PLXNA3: variants seen among roughly 807,000 people sequenced by gnomAD.
PLXNA3 encodes the protein plexin A3.
A neutral mutation model predicts 118.8 loss-of-function variants in PLXNA3; 52 were observed. That is an observed-to-expected ratio of 0.44 (90% CI 0.35 to 0.55). The LOEUF (loss-of-function observed/expected upper bound fraction) is 0.55, where lower values mean the gene tolerates loss of function less well. Among genes scored for constraint, PLXNA3 ranks in the 20% least tolerant of loss-of-function variants. The probability of loss-of-function intolerance (pLI) is 0.01; values close to 1 mark genes in which losing one functional copy is unlikely to be tolerated. For missense variants in PLXNA3, 1,660 were observed against 1,730.8 expected (o/e 0.96, Z 0.73); for synonymous variants, 925 against 762.4 (o/e 1.21, Z -3.51).
chrX:154,467,399 T>C lies in PLXNA3; in HGVS notation c.3369T>C (p.Pro1123=), dbSNP rs1603393108. ...ACCGCTCCTCCTTTACCTACTACCCTGATCCCAGCTTTGAGCCGCTGGGGC... is the reference window on the plus strand; with the variant it reads ...ACCGCTCCTCCTTTACCTACTACCCCGATCCCAGCTTTGAGCCGCTGGGGC... ...SLNRSSFTYY[P]DPSFEPLGPS... is the part of the protein sequence containing the mutation. Residue 1123 remains proline, a synonymous_variant, in exon 19 of 33, where the codon CCT becomes CCC. Transcript: ENST00000369682. 8.3e-7 allele frequency: 1 copy of C among 1,202,510 alleles called. No homozygotes were observed. The highest frequency in any genetic ancestry group is 1.1e-6 in the Non-Finnish European group (1 of 895,146).
chrX:154,460,760 G>A lies in PLXNA3; in HGVS notation c.577G>A (p.Ala193Thr), dbSNP rs371203817. ...SRKLISDEDSADMFSLVYQDE... is the reference protein window; with the variant it reads ...SRKLISDEDSTDMFSLVYQDE... ...CAAGCTCATCAGTGATGAAGACAGC[G>A]CGGACATGTTCAGTCTCGTGCGTGA... Residue 193 changes from alanine (A) to threonine (T), a missense_variant, in exon 2 of 33, where the codon GCG becomes ACG. Physicochemically the swap from Ala to Thr is moderately conservative, Grantham distance 58. Transcript: ENST00000369682. 17 of 1,120,607 alleles carry A rather than the reference G, an allele frequency of 1.5e-5. No individual in the cohort carries two copies. Among genetic ancestry groups the A allele is most frequent in the East Asian group, 9.1e-5 (3 of 32,938 alleles). 92.4% of individuals were successfully genotyped at this position (1,120,607 alleles called of 1,213,427 possible).
At position 154,465,686 on chromosome X, in the gene PLXNA3, C is replaced by T. The variant is rs1557206731; in HGVS notation, c.2371C>T (p.Pro791Ser). Residue 791 changes from proline (P) to serine (S), a missense_variant, in exon 13 of 33, where the codon CCC becomes TCC. Around this residue, in one of 2 missense-constraint regions of PLXNA3, gnomAD observed 869 missense variants for 1,078.7 expected, o/e 0.81. Coordinates refer to ENST00000369682, the MANE Select transcript of PLXNA3 (RefSeq NM_017514.5). The stretch of plus-strand genomic sequence containing the variant: ...CCTGTACAAGTGCTGGGCGCAGCGG[C>T]CCAGCTGTGGCCTCTGCCTCAAGGC... Reference protein sequence around the residue: ...ALLYKCWAQRPSCGLCLKADP... With the variant: ...ALLYKCWAQRSSCGLCLKADP... 8.3e-7 allele frequency: 1 copy of T among 1,210,280 alleles called. No individual in the cohort carries two copies. Among genetic ancestry groups the T allele is most frequent in the Non-Finnish European group, 1.1e-6 (1 of 894,846 alleles).
At position 154,472,806 on chromosome X, in the gene PLXNA3, C is replaced by A; in HGVS notation, c.*121C>A. The A allele has an allele frequency of 2.0e-6, 1 of 509,509 alleles. No individual in the cohort carries two copies. Among genetic ancestry groups the A allele is most frequent in the South Asian group, 2.9e-5 (1 of 33,922 alleles). The allele number at this position is 509,509 out of a possible 1,213,427, so 42.0% of individuals were successfully genotyped here. A position where few individuals can be genotyped will look rare whatever the true frequency, so the allele number is the denominator to read the frequency against. On this transcript the variant is annotated 3_prime_UTR_variant, in exon 33 of 33. Transcript: ENST00000369682. ...CTGGATTGGGTATCGTGGGGCAGGT[C>A]ACCCTGGCCACGATGCCCCCGGCAC...
intron 11 of PLXNA3, 48 bp downstream of exon 11, chrX:154,465,266 G>C: frequency 9.0e-7 from 1 of 1,115,360 alleles, no homozygotes; most frequent in South Asian, 1.9e-5. Flanking sequence ...CTGTGGCGTG[G>C]TGTGGATCGT....
Position 154,466,642 on chromosome X carries a change from G to A in PLXNA3, c.2956G>A (p.Val986Met), listed in dbSNP as rs782600101. Reference protein sequence around the residue: ...QFVRRDAKAIVCISPLSTLGP... With the variant: ...QFVRRDAKAIMCISPLSTLGP... ...ATGTAGGAGAGATGCCAAGGCGATC[G>A]TGTGCATCTCACCTCTCTCCACCCT... is the stretch of plus-strand genomic sequence containing the variant. The change falls in exon 17 of 33, where the codon GTG (valine) becomes ATG (methionine). Residue 986 changes from valine to methionine, a missense_variant. Coordinates refer to ENST00000369682, the MANE Select transcript of PLXNA3 (RefSeq NM_017514.5). The A allele has an allele frequency of 5.0e-6, 6 of 1,204,006 alleles. No individual in the cohort carries two copies. Among genetic ancestry groups the A allele is most frequent in the East Asian group, 3.0e-5 (1 of 33,603 alleles).
chrX:154,472,678 A>G lies in PLXNA3; in HGVS notation c.5609A>G (p.Asp1870Gly). The G allele has an allele frequency of 8.4e-7, 1 of 1,187,999 alleles. No individual in the cohort carries two copies. Among genetic ancestry groups the G allele is most frequent in the South Asian group, 1.8e-5 (1 of 56,426 alleles). Residue 1870 changes from aspartate (D) to glycine (G), a missense_variant, in exon 33 of 33, where the codon GAC becomes GGC. Transcript: ENST00000369682. The part of the protein sequence containing the change: ...LEQIISLVSS[D>G]S ...CAGATCATCAGCCTCGTGTCCAGCG[A>G]CAGCTAAGGTGGTGGAATCGGTGAG...
At chrX:154,459,454 C>A (rs1050414503) in intron 1 of PLXNA3, among the ~76,000 whole-genome samples, 2 of 112,555 alleles carry the variant, frequency 1.8e-5, no homozygotes, top group African/African-American at 6.5e-5. Flanking sequence ...CCTGTACATT[C>A]CCTTCTCCAG....
rs2068957556 is a variant in PLXNA3 at position 154,461,412 on chromosome X, T to C, written c.908T>C (p.Leu303Pro). 2 of 1,210,472 alleles carry C rather than the reference T, an allele frequency of 1.7e-6. No homozygotes were observed. The highest frequency in any genetic ancestry group is 1.8e-5 in the South Asian group (1 of 56,963). Residue 303 changes from leucine to proline, a missense_variant, in exon 3 of 33, where the codon CTG becomes CCG. By Grantham distance (98) the Leu-to-Pro change is moderately conservative. This residue lies in a region of PLXNA3 where 791 missense variants were observed against 652.1 expected (regional missense o/e 1.21). Transcript: ENST00000369682. ...GCCCACCTGGCCAAGCCTGGCCTGC[T>C]GCTGGCCCAGGCCCTGGGCGTGCCG... ...QSAHLAKPGL[L>P]LAQALGVPAD...
Position 154,463,667 on chromosome X carries a change from T to C in PLXNA3, c.1524T>C (p.Cys508=). The C allele has an allele frequency of 1.7e-6, 2 of 1,202,472 alleles. No homozygotes were observed. The highest frequency in any genetic ancestry group is 2.2e-6 in the Non-Finnish European group (2 of 892,016). The part of the protein sequence containing the change: ...AACLGSGDPH[C]GWCVLRHRCC... ...GCCTGGGCTCCGGGGACCCGCACTG[T>C]GGTTGGTGTGTGCTGCGACACAGGT... The change falls in exon 6 of 33, where the codon TGT becomes TGC. Residue 508 remains cysteine, a synonymous_variant. Transcript: ENST00000369682.
At position 154,460,226 on chromosome X, in the gene PLXNA3, G is replaced by C. The variant is rs1043167831; in HGVS notation, c.43G>C (p.Gly15Arg). The change falls in exon 2 of 33, where the codon GGG becomes CGG. Residue 15 changes from glycine to arginine, a missense_variant. Gly to Arg is a moderately radical substitution (Grantham distance 125). This residue lies in a region of PLXNA3 where 791 missense variants were observed against 652.1 expected (regional missense o/e 1.21). Transcript: ENST00000369682. ...CLLLLLFLAV[G>R]GALGNRPFRA... Reference sequence around the variant, plus strand: ...CCTCCTGCTGCTCTTCCTTGCCGTGGGGGGGGCCCTGGGCAACAGGCCCTT... The same window carrying C: ...CCTCCTGCTGCTCTTCCTTGCCGTGCGGGGGGCCCTGGGCAACAGGCCCTT... The C allele has an allele frequency of 2.5e-6, 3 of 1,207,909 alleles. No homozygotes were observed. The African/African-American group carries it at 5.2e-5, about 21-fold the overall frequency.
chrX:154,467,435 G>A lies in PLXNA3; in HGVS notation c.3405G>A (p.Val1135=), dbSNP rs150943884. 849 of 1,198,537 alleles carry A rather than the reference G, an allele frequency of 7.1e-4. No homozygotes were observed. The highest frequency in any genetic ancestry group is 5.4e-3 in the South Asian group (305 of 56,559). ...TTGAGCCGCTGGGGCCCTCTGGCGT[G>A]CTGGACGTCAAACCGGGCTCCCACG... is the stretch of plus-strand genomic sequence containing the variant. ...PSFEPLGPSG[V]LDVKPGSHVV... The change falls in exon 19 of 33, where the codon GTG becomes GTA. Residue 1135 remains valine, a synonymous_variant. Coordinates refer to ENST00000369682, the MANE Select transcript of PLXNA3 (RefSeq NM_017514.5).
chrX:154,470,208 G>A (rs782146265), intron 29 of PLXNA3, 41 bp downstream of exon 29: 221 of 1,167,310 alleles, frequency 1.9e-4, no homozygotes, highest in Non-Finnish European at 2.4e-4. Flanking sequence ...CCGCCCAGAG[G>A]TTGTCCCGGC....
At position 154,469,066 on chromosome X, in the gene PLXNA3, G is replaced by A. The variant is rs782615090; in HGVS notation, c.4445G>A (p.Cys1482Tyr). 3 of 1,211,509 alleles carry A rather than the reference G, an allele frequency of 2.5e-6. No homozygotes were observed. The highest frequency in any genetic ancestry group is 3.3e-6 in the Non-Finnish European group (3 of 895,541). ...QIDYKTLTLH[C>Y]VCPENEGSAQ... Reference sequence around the variant, plus strand: ...CCGCTTTCCCCTCAGACCCTTCACTGCGTGTGTCCGGAGAACGAGGGCAGC... The same window carrying A: ...CCGCTTTCCCCTCAGACCCTTCACTACGTGTGTCCGGAGAACGAGGGCAGC... The change falls in exon 26 of 33, where the codon TGC (cysteine) becomes TAC (tyrosine). Residue 1482 changes from cysteine to tyrosine, a missense_variant. Physicochemically the swap from Cys to Tyr is radical, Grantham distance 194. Around this residue, in one of 2 missense-constraint regions of PLXNA3, gnomAD observed 869 missense variants for 1,078.7 expected, o/e 0.81. Coordinates refer to ENST00000369682, the MANE Select transcript of PLXNA3 (RefSeq NM_017514.5).
In PLXNA3 at chrX:154,464,875, C is replaced by A. The variant is rs375016053; in HGVS notation, c.2043+7C>A. 1 of 1,158,487 alleles carries A rather than the reference C, an allele frequency of 8.6e-7. No homozygotes were observed. Among genetic ancestry groups the A allele is most frequent in the Admixed American group, 2.3e-5 (1 of 43,373 alleles). The stretch of plus-strand genomic sequence containing the variant: ...CAGGGTCCACAGCCCTGAGGTGAGG[C>A]GGGCGCCGCATGTGAGGGGCTGGGC... On this transcript the variant is annotated splice_region_variant and intron_variant, in intron 10 of 32. Coordinates refer to ENST00000369682, the MANE Select transcript of PLXNA3 (RefSeq NM_017514.5).
At position 154,464,419 on chromosome X, in the gene PLXNA3, C is replaced by G. The variant is rs1285036721; in HGVS notation, c.1846C>G (p.Arg616Gly). The G allele has an allele frequency of 8.3e-7, 1 of 1,210,468 alleles. No homozygotes were observed. The highest frequency in any genetic ancestry group is 2.2e-5 in the Admixed American group (1 of 46,123). The change falls in exon 9 of 33, where the codon CGG (arginine) becomes GGG (glycine). Residue 616 changes from arginine (R) to glycine (G), a missense_variant. Physicochemically the swap from Arg to Gly is moderately radical, Grantham distance 125. Coordinates refer to ENST00000369682, the MANE Select transcript of PLXNA3 (RefSeq NM_017514.5). ...TGCTGCAGGGGCCACCCGCACTGTGCGGCTGCAGCTTCTCTCCAAGGAGAC... is the reference window on the plus strand; with the variant it reads ...TGCTGCAGGGGCCACCCGCACTGTGGGGCTGCAGCTTCTCTCCAAGGAGAC... The part of the protein sequence containing the change: ...TRGHGATRTV[R>G]LQLLSKETGV...
rs201083788 is a variant in PLXNA3 at position 154,465,087 on chromosome X, C to A, written c.2113C>A (p.Arg705=). The A allele has an allele frequency of 1.7e-6, 2 of 1,209,709 alleles. No homozygotes were observed. The highest frequency in any genetic ancestry group is 3.5e-5 in the African/African-American group (2 of 57,775). The change falls in exon 11 of 33, where the codon CGG becomes AGG. Residue 705 remains arginine, a synonymous_variant. Coordinates refer to ENST00000369682, the MANE Select transcript of PLXNA3 (RefSeq NM_017514.5). ...TGGGGTCATGCAGCCTCTTACCTTGCGGGCTAAGAACCTACCTCAGCCGCA... is the reference window on the plus strand; with the variant it reads ...TGGGGTCATGCAGCCTCTTACCTTGAGGGCTAAGAACCTACCTCAGCCGCA... The part of the protein sequence containing the change: ...PVGVMQPLTL[R]AKNLPQPQSG...
chrX:154,463,695 G>C lies in PLXNA3; in HGVS notation c.1547+5G>C. On this transcript the variant is annotated splice_donor_5th_base_variant and intron_variant, in intron 6 of 32. Transcript: ENST00000369682. Reference sequence around the variant, plus strand: ...TTGGTGTGTGCTGCGACACAGGTGAGGGCGGGGACCCCTGCTCGGGGAGTT... The same window carrying C: ...TTGGTGTGTGCTGCGACACAGGTGACGGCGGGGACCCCTGCTCGGGGAGTT... The C allele has an allele frequency of 8.4e-7, 1 of 1,185,731 alleles. No individual in the cohort carries two copies. Among genetic ancestry groups the C allele is most frequent in the South Asian group, 1.8e-5 (1 of 54,765 alleles).
At position 154,468,565 on chromosome X, in the gene PLXNA3, TGCCTTGCTCTATCCAG is replaced by T; in HGVS notation, c.4220+10_4220+25del. The T allele has an allele frequency of 1.7e-6, 2 of 1,208,464 alleles. No individual in the cohort carries two copies. Among genetic ancestry groups the T allele is most frequent in the Non-Finnish European group, 2.2e-6 (2 of 893,832 alleles). ...CCCAAGCTGCTGCTACGCAGGTACCTGCCTTGCTCTATCCAGGCCACACCTTTGTCCTGCCTGGGCC... is the reference window on the plus strand; with the variant it reads ...CCCAAGCTGCTGCTACGCAGGTACCTGCCACACCTTTGTCCTGCCTGGGCC... On this transcript the variant is annotated splice_region_variant and intron_variant, in intron 23 of 32. Coordinates refer to ENST00000369682, the MANE Select transcript of PLXNA3 (RefSeq NM_017514.5).
chrX:154,462,104 C>T (rs1217423541), intron 3 of PLXNA3, 24 bp from the exon 4 acceptor site: 9 of 1,150,349 alleles, frequency 7.8e-6, no homozygotes, highest in Admixed American at 5.4e-5. Context: ...TTGACTCTCA[C>T]GGGTTCCTCC....
Sources: allele counts gnomAD v4.1 joint callset (sites outside exome capture counted in the v4.1 genomes callset), GRCh38; gene constraint gnomAD v4.1.1; regional missense constraint gnomAD v4.1.1; transcripts MANE v1.5; gene names NCBI Gene and HGNC (gene_info 2026-07-23, HGNC 2026-07-21).